The following ZNRF3 variants were observed in gnomAD, a reference collection of about 807,000 sequenced individuals.
ZNRF3 encodes E3 ubiquitin-protein ligase ZNRF3.
In ZNRF3, 23 loss-of-function variants were observed where a neutral mutation model predicts 72.5. That is an observed-to-expected ratio of 0.32 (90% CI 0.23 to 0.45). The LOEUF (loss-of-function observed/expected upper bound fraction) is 0.45, where lower values mean the gene tolerates loss of function less well. Among genes scored for constraint, ZNRF3 ranks in the 20% least tolerant of loss-of-function variants. The pLI is 1.00. For missense variants in ZNRF3, 1,169 were observed against 1,272.1 expected (o/e 0.92, Z 1.23); for synonymous variants, 610 against 545.3 (o/e 1.12, Z -1.65).
chr22:28,912,084 A>G (rs2034329070), intron 1 of ZNRF3, among the ~76,000 whole-genome samples: 1 of 152,232 alleles, frequency 6.6e-6, no homozygotes, highest in African/African-American at 2.4e-5. Flanking sequence ...TAATCAAACT[A>G]AACAAACACT....
chr22:28,894,944 G>A (rs1473249508), intron 1 of ZNRF3, among the ~76,000 whole-genome samples: 1 of 152,150 alleles, frequency 6.6e-6, no homozygotes, highest in Non-Finnish European at 1.5e-5. Flanking sequence ...TGGAGTGGCA[G>A]CTGCCCCCCT....
chr22:28,985,431 C>G (rs752232879), intron 1 of ZNRF3, among the ~76,000 whole-genome samples: 1 of 152,192 alleles, frequency 6.6e-6, no homozygotes, highest in Non-Finnish European at 1.5e-5. Context: ...TCCTTCTAAG[C>G]TCACTCGAGG....
intron 2 of ZNRF3, among the ~76,000 whole-genome samples, chr22:29,021,885 T>TAC (rs886522077): frequency 8.6e-5 from 13 of 151,588 alleles, no homozygotes; most frequent in African/African-American, 2.7e-4. Context: ...CACACACACA[T>TAC]ACACACACAC....
chr22:28,942,055 T>C (rs1216223279), intron 1 of ZNRF3, among the ~76,000 whole-genome samples: 1 of 152,198 alleles, frequency 6.6e-6, no homozygotes, highest in Admixed American at 6.5e-5. Context: ...TCTGGTGCCA[T>C]TTTAGTTTTG....
intron 1 of ZNRF3, among the ~76,000 whole-genome samples, chr22:28,888,105 A>G (rs1389527219): frequency 3.3e-5 from 5 of 152,172 alleles, no homozygotes; most frequent in Admixed American, 2.6e-4. Flanking sequence ...TTGAAAACAG[A>G]GAGAAGCTGA....
intron 2 of ZNRF3, among the ~76,000 whole-genome samples, chr22:29,010,363 A>T (rs1043767322): frequency 2.0e-5 from 3 of 151,424 alleles, no homozygotes; most frequent in African/African-American, 7.3e-5. Context: ...TCCTTTTGTG[A>T]CTGGCTTCTT....
chr22:28,949,300 G>T (rs1178998479), intron 1 of ZNRF3, among the ~76,000 whole-genome samples: 2 of 151,910 alleles, frequency 1.3e-5, no homozygotes, highest in Admixed American at 6.6e-5. Flanking sequence ...TTTGAGTCAG[G>T]GTCTGACTCT....
chr22:28,919,252 A>G (rs2034466824), intron 1 of ZNRF3, among the ~76,000 whole-genome samples: 1 of 152,200 alleles, frequency 6.6e-6, no homozygotes, highest in African/African-American at 2.4e-5. Flanking sequence ...CTTACATCTT[A>G]TTACACTACT....
intron 1 of ZNRF3, among the ~76,000 whole-genome samples, chr22:28,926,003 G>A (rs73881189): frequency 1.3e-5 from 2 of 152,104 alleles, no homozygotes; most frequent in African/African-American, 2.4e-5. Context: ...GAGATCTTGC[G>A]TCTTTGTTCA....
intron 1 of ZNRF3, among the ~76,000 whole-genome samples, chr22:28,896,658 G>A (rs189631233): frequency 8.5e-5 from 13 of 152,306 alleles, no homozygotes; most frequent in East Asian, 1.9e-4. Context: ...CTGGAATATC[G>A]CTGGGTACCT....
chr22:28,936,779 A>G, intron 1 of ZNRF3, among the ~76,000 whole-genome samples: 1 of 152,208 alleles, frequency 6.6e-6, no homozygotes, highest in East Asian at 1.9e-4. Context: ...AGACAAAAAC[A>G]GTCCCTCGAC....
At chr22:28,995,911 G>A (rs1477328032) in intron 2 of ZNRF3, among the ~76,000 whole-genome samples, 1 of 151,918 alleles carries the variant, frequency 6.6e-6, no homozygotes, top group Admixed American at 6.6e-5. Context: ...GAGTAACTGT[G>A]ACTATAGGCA....
At chr22:28,975,346 A>C (rs142491558) in intron 1 of ZNRF3, among the ~76,000 whole-genome samples, 2,911 of 152,040 alleles carry the variant, frequency 0.019, 101 homozygotes, top group African/African-American at 0.067. Context: ...TACTAAAAAT[A>C]CCAAAATTAG....
In ZNRF3 at chr22:29,046,841, G is replaced by A. The variant is rs946206635; in HGVS notation, c.870G>A (p.Thr290=). 4.4e-6 allele frequency: 7 copies of A among 1,607,840 alleles called. No homozygotes were observed. Among genetic ancestry groups the A allele is most frequent in the Middle Eastern group, 1.6e-4 (1 of 6,068 alleles). Residue 290 remains threonine, a synonymous_variant, in exon 6 of 9, where the codon ACG becomes ACA. Coordinates refer to ENST00000544604, the MANE Select transcript of ZNRF3 (RefSeq NM_001206998.2). ...TGGACACACTCAGCAGCAGCTCCAC[G>A]TCCGACTGTGCCATCTGTCTGGAGA... ...GALDTLSSSS[T]SDCAICLEKY...
At chr22:28,944,105 A>G (rs2035001775) in intron 1 of ZNRF3, among the ~76,000 whole-genome samples, 1 of 152,158 alleles carries the variant, frequency 6.6e-6, no homozygotes, top group African/African-American at 2.4e-5. Flanking sequence ...TTATAAAAAG[A>G]TACAAGAAAA....
chr22:28,926,003 G>T (rs73881189), intron 1 of ZNRF3, among the ~76,000 whole-genome samples: 4,669 of 152,216 alleles, frequency 0.031, 258 homozygotes, highest in African/African-American at 0.11. Context: ...GAGATCTTGC[G>T]TCTTTGTTCA....
At chr22:28,934,389 T>G (rs543109612) in intron 1 of ZNRF3, among the ~76,000 whole-genome samples, 1 of 152,352 alleles carries the variant, frequency 6.6e-6, no homozygotes, top group South Asian at 2.1e-4. Context: ...CTCTTGGACT[T>G]AAATTTTGTT....
chr22:29,041,693 G>C (rs1488527597), intron 2 of ZNRF3, among the ~76,000 whole-genome samples: 1 of 152,138 alleles, frequency 6.6e-6, no homozygotes, highest in African/African-American at 2.4e-5. Context: ...AGTGGCTTTT[G>C]ATGTGTAGCC....
At chr22:28,935,039 A>G (rs2034795387) in intron 1 of ZNRF3, among the ~76,000 whole-genome samples, 1 of 152,216 alleles carries the variant, frequency 6.6e-6, no homozygotes, top group African/African-American at 2.4e-5. Context: ...TAGATGCACG[A>G]TAACACAGCC....
Sources: allele counts gnomAD v4.1 joint callset (sites outside exome capture counted in the v4.1 genomes callset), GRCh38; gene constraint gnomAD v4.1.1; transcripts MANE v1.5; gene names NCBI Gene and HGNC (gene_info 2026-07-23, HGNC 2026-07-21).